PPFIA2: variants seen among roughly 807,000 people sequenced by gnomAD.
PPFIA2 encodes liprin-alpha-2.
A neutral mutation model predicts 175.5 loss-of-function variants in PPFIA2; 46 were observed. The ratio of observed to expected loss-of-function variants is 0.26; its 90% CI spans 0.21 to 0.34. PPFIA2 has a LOEUF of 0.34. Among genes scored for constraint, PPFIA2 ranks in the 10% least tolerant of loss-of-function variants. The probability of loss-of-function intolerance (pLI) is 1.00; values close to 1 mark genes in which losing one functional copy is unlikely to be tolerated. For missense variants in PPFIA2, 1,179 were observed against 1,506.1 expected (o/e 0.78, Z 3.60); for synonymous variants, 568 against 511.4 (o/e 1.11, Z -1.49).
At chr12:81,271,573 A>G (rs766954407) in intron 28 of PPFIA2, among the ~76,000 whole-genome samples, 2 of 152,134 alleles carry the variant, frequency 1.3e-5, no homozygotes, top group Non-Finnish European at 2.9e-5. Flanking sequence ...CCGGCCCTCT[A>G]TTAGCTTTTT....
At chr12:81,493,081 T>C (rs906249819) in intron 4 of PPFIA2, among the ~76,000 whole-genome samples, 1 of 151,680 alleles carries the variant, frequency 6.6e-6, no homozygotes, top group Non-Finnish European at 1.5e-5. Context: ...AGAAGAGAGA[T>C]TGGAAAAATT....
At chr12:81,401,091 C>T (rs1333476229) in intron 8 of PPFIA2, among the ~76,000 whole-genome samples, 7 of 152,176 alleles carry the variant, frequency 4.6e-5, no homozygotes, top group Middle Eastern at 3.4e-3. Flanking sequence ...TCACCTTGTA[C>T]GGGTCCCTTG....
At chr12:81,462,459 CT>C (rs1329509998) in intron 4 of PPFIA2, among the ~76,000 whole-genome samples, 1 of 146,982 alleles carries the variant, frequency 6.8e-6, no homozygotes, top group Non-Finnish European at 1.5e-5. Context: ...AGATTTCTCA[CT>C]GCTTTAACCT....
chr12:81,501,113 T>C (rs896526576), intron 4 of PPFIA2, among the ~76,000 whole-genome samples: 6 of 152,208 alleles, frequency 3.9e-5, no homozygotes, highest in Non-Finnish European at 8.8e-5. Context: ...AGTCATCCTT[T>C]AGCCTATGAT....
intron 8 of PPFIA2, among the ~76,000 whole-genome samples, chr12:81,388,133 G>T (rs932523488): frequency 6.6e-5 from 10 of 152,098 alleles, no homozygotes; most frequent in African/African-American, 2.4e-4. Context: ...GATTCAACTT[G>T]TATCTTAAGA....
chr12:81,699,604 T>C (rs1390154747), intron 3 of PPFIA2, among the ~76,000 whole-genome samples: 1 of 151,866 alleles, frequency 6.6e-6, no homozygotes, highest in Non-Finnish European at 1.5e-5. Context: ...TTAGGTTAGT[T>C]AAGTATAATC....
chr12:81,373,382 T>C (rs961616263), intron 11 of PPFIA2, among the ~76,000 whole-genome samples: 3 of 151,928 alleles, frequency 2.0e-5, no homozygotes, highest in African/African-American at 7.2e-5. Flanking sequence ...AGATCTGTGT[T>C]TGCAAGAAAA....
rs542874768 is a variant in PPFIA2, at chr12:81,440,028, C to A, written c.589G>T (p.Val197Phe). Reference sequence around the variant, plus strand: ...AGTGCAGAGACTCTTTCTAAAGAAACCCTCAGTCGCTCCCTTACCTAGAAG... The same window carrying A: ...AGTGCAGAGACTCTTTCTAAAGAAAACCTCAGTCGCTCCCTTACCTAGAAG... ...LDEKVRERLR[V>F]SLERVSALEE... The change falls in exon 7 of 33, where the codon GTT becomes TTT. Residue 197 changes from valine to phenylalanine, a missense_variant. By Grantham distance (50) the Val-to-Phe change is conservative (BLOSUM62 -1). This residue lies in a region of PPFIA2 where 49 missense variants were observed against 108.9 expected (regional missense o/e 0.45). Coordinates refer to ENST00000549396, the MANE Select transcript of PPFIA2 (RefSeq NM_003625.5). 1.9e-6 allele frequency: 3 copies of A among 1,602,512 alleles called. No individual in the cohort carries two copies. The highest frequency in any genetic ancestry group is 2.6e-6 in the Non-Finnish European group (3 of 1,175,902).
At chr12:81,679,986 T>G (rs2073302451) in intron 3 of PPFIA2, among the ~76,000 whole-genome samples, 1 of 152,024 alleles carries the variant, frequency 6.6e-6, no homozygotes, top group African/African-American at 2.4e-5. Context: ...TTGAATATTT[T>G]ATCTGCAAAG....
intron 3 of PPFIA2, among the ~76,000 whole-genome samples, chr12:81,693,084 A>G (rs2075448137): frequency 6.6e-6 from 1 of 152,166 alleles, no homozygotes; most frequent in Non-Finnish European, 1.5e-5. Flanking sequence ...ATCTCTGACC[A>G]CATAATGAAA....
chr12:81,287,073 C>T (rs533670519), intron 24 of PPFIA2, among the ~76,000 whole-genome samples: 2 of 151,840 alleles, frequency 1.3e-5, no homozygotes, highest in Non-Finnish European at 2.9e-5. Context: ...CTGTCACATT[C>T]CCTTTACACT....
At chr12:81,457,486 ATCT>A (rs1357753535) in intron 5 of PPFIA2, among the ~76,000 whole-genome samples, 4 of 152,042 alleles carry the variant, frequency 2.6e-5, no homozygotes, top group Admixed American at 6.6e-5. Flanking sequence ...TGAAATCCAG[ATCT>A]TCTTTTTAAA....
intron 4 of PPFIA2, among the ~76,000 whole-genome samples, chr12:81,661,023 G>A (rs988009515): frequency 2.6e-5 from 4 of 152,170 alleles, no homozygotes; most frequent in African/African-American, 9.7e-5. Context: ...CACCAGGCCT[G>A]CACTAAAAGA....
At chr12:81,312,480 G>T (rs1437238927) in intron 22 of PPFIA2, 3 of 354,140 alleles carry the variant, frequency 8.5e-6, no homozygotes, top group East Asian at 8.7e-5. Flanking sequence ...AGGAAATCAA[G>T]AAATCTTGGT....
chr12:81,433,642 T>C (rs545889638), intron 7 of PPFIA2, among the ~76,000 whole-genome samples: 4 of 152,328 alleles, frequency 2.6e-5, no homozygotes, highest in Admixed American at 1.3e-4. Context: ...TTATTGAGCA[T>C]ACTGAATGTT....
At chr12:81,470,517 C>T (rs1310564451) in intron 4 of PPFIA2, among the ~76,000 whole-genome samples, 2 of 152,140 alleles carry the variant, frequency 1.3e-5, no homozygotes, top group Admixed American at 6.6e-5. Context: ...GTCAGTTTCT[C>T]AAGCGGTAAA....
chr12:81,479,308 G>C (rs1395153876), intron 4 of PPFIA2, among the ~76,000 whole-genome samples: 1 of 151,984 alleles, frequency 6.6e-6, no homozygotes, highest in Non-Finnish European at 1.5e-5. Flanking sequence ...TTTATTTTCA[G>C]CCTATGTGTG....
chr12:81,365,743 T>G (rs777849511), intron 14 of PPFIA2, among the ~76,000 whole-genome samples: 1 of 151,754 alleles, frequency 6.6e-6, no homozygotes, highest in Non-Finnish European at 1.5e-5. Flanking sequence ...ATCTCTGTGT[T>G]GTTTTTGTGA....
At chr12:81,630,899 A>ATATATATATATATATATATATATATATTT (rs1411924550) in intron 4 of PPFIA2, among the ~76,000 whole-genome samples, 1 of 106,448 alleles carries the variant, frequency 9.4e-6, no homozygotes, top group African/African-American at 2.9e-5. Flanking sequence ...ATATATATAT[A>ATATATATATATATATATATATATATATTT]TTTTTTTTTT....
Sources: gnomAD v4.1 joint callset for allele counts (sites outside exome capture counted in the v4.1 genomes callset) on GRCh38, gnomAD v4.1.1 for gene constraint, gnomAD v4.1.1 regional missense constraint, MANE v1.5 for transcripts, NCBI Gene and HGNC (gene_info 2026-07-23, HGNC 2026-07-21) for gene names.